Variants in APP observed in about 807,000 individuals in gnomAD.
APP encodes amyloid-beta precursor protein.
APP carries 31 observed loss-of-function variants against 101.4 expected under a neutral mutation model. The observed-to-expected ratio is 0.31, with a 90% CI of 0.23 to 0.41. The LOEUF is 0.41. Among genes scored for constraint, APP ranks in the 10% least tolerant of loss-of-function variants. The pLI is 1.00. For synonymous variants in APP, 366 were observed against 364.4 expected (o/e 1.00, Z -0.05); for missense variants, 839 against 1,003.7 (o/e 0.84, Z 2.22).
At chr21:25,908,079 C>T (rs1213256412) in intron 14 of APP, among the ~76,000 whole-genome samples, 1 of 152,220 alleles carries the variant, frequency 6.6e-6, no homozygotes, top group Non-Finnish European at 1.5e-5. Flanking sequence ...TGCTATGCTG[C>T]TCTTTGTGGC....
chr21:26,137,014 C>T (rs2062934477), intron 1 of APP, among the ~76,000 whole-genome samples: 1 of 151,378 alleles, frequency 6.6e-6, no homozygotes, highest in South Asian at 2.1e-4. Flanking sequence ...CTGCTCACTG[C>T]ACCTATGCCT....
At chr21:25,920,446 A>G (rs2039574988) in intron 13 of APP, among the ~76,000 whole-genome samples, 1 of 152,190 alleles carries the variant, frequency 6.6e-6, no homozygotes, top group Non-Finnish European at 1.5e-5. Flanking sequence ...TTGGATAAAG[A>G]GTCAAGACCC....
chr21:26,126,172 A>C (rs2146257281), intron 1 of APP, among the ~76,000 whole-genome samples: 1 of 152,370 alleles, frequency 6.6e-6, no homozygotes, highest in East Asian at 1.9e-4. Flanking sequence ...GAAGAACACA[A>C]CTGTGATCGC....
intron 17 of APP, among the ~76,000 whole-genome samples, chr21:25,885,375 C>T (rs915859902): frequency 6.6e-6 from 1 of 152,216 alleles, no homozygotes; most frequent in Non-Finnish European, 1.5e-5. Flanking sequence ...TCTGCACAGA[C>T]ACAATATTAT....
At chr21:25,904,916 C>T (rs747371368) in intron 15 of APP, 108 bp downstream of exon 15, 172 of 960,414 alleles carry the variant, frequency 1.8e-4, no homozygotes, top group Middle Eastern at 4.1e-4. Context: ...TCAAATTCTA[C>T]TCTGCAGTAA....
chr21:26,004,401 T>G (rs959248173), intron 6 of APP, among the ~76,000 whole-genome samples: 1 of 147,320 alleles, frequency 6.8e-6, no homozygotes. Context: ...CACGCCATTC[T>G]CCTGCCTCAG....
chr21:25,940,245 G>A (rs1183959313), intron 13 of APP, among the ~76,000 whole-genome samples: 1 of 152,096 alleles, frequency 6.6e-6, no homozygotes, highest in Non-Finnish European at 1.5e-5. Context: ...AGGTAATAAT[G>A]CTTATAAAAA....
At chr21:25,953,132 C>T (rs1406924583) in intron 13 of APP, among the ~76,000 whole-genome samples, 1 of 151,978 alleles carries the variant, frequency 6.6e-6, no homozygotes, top group African/African-American at 2.4e-5. Context: ...GGGGTTTCAC[C>T]ATGTTGGCCA....
In APP at chr21:25,982,457, T is replaced by C. The variant is rs747438691; in HGVS notation, c.1111A>G (p.Thr371Ala). 4 of 1,613,776 alleles carry C rather than the reference T, an allele frequency of 2.5e-6. No individual in the cohort carries two copies. The highest frequency in any genetic ancestry group is 3.3e-5 in the Admixed American group (2 of 59,998). The stretch of plus-strand genomic sequence containing the variant: ...AGATACTTGTCAACGGCATCAGGGG[T>C]ACTGGCTGCTGTTGTAGGAACTATA... Reference protein sequence around the residue: ...PVKLPTTAASTPDAVDKYLET... With the variant: ...PVKLPTTAASAPDAVDKYLET... The change falls in exon 9 of 18, where the codon ACC (threonine) becomes GCC (alanine). Residue 371 changes from threonine to alanine, a missense_variant. Thr to Ala is a moderately conservative substitution (Grantham distance 58). Coordinates refer to ENST00000346798, the MANE Select transcript of APP (RefSeq NM_000484.4).
chr21:25,884,893 A>T (rs1161499607), intron 17 of APP, among the ~76,000 whole-genome samples: 2 of 152,244 alleles, frequency 1.3e-5, no homozygotes, highest in Admixed American at 1.3e-4. Flanking sequence ...TGATAGGTTT[A>T]TCTCCTCTTC....
intron 16 of APP, 143 bp downstream of exon 16, chr21:25,897,430 T>C: frequency 1.3e-6 from 1 of 762,360 alleles, no homozygotes; most frequent in East Asian, 2.7e-5. Flanking sequence ...ATTTATTTTC[T>C]TCATGTTTTC....
At chr21:26,073,308 A>G (rs527855369) in intron 3 of APP, among the ~76,000 whole-genome samples, 117 of 152,310 alleles carry the variant, frequency 7.7e-4, no homozygotes, top group African/African-American at 2.7e-3. Context: ...AGGAAAATGG[A>G]GGACAGCAGA....
intron 13 of APP, among the ~76,000 whole-genome samples, chr21:25,931,282 A>G (rs912805047): frequency 6.6e-6 from 1 of 152,236 alleles, no homozygotes; most frequent in African/African-American, 2.4e-5. Context: ...CCTAGCAGAT[A>G]CAAGTGCATG....
chr21:26,148,382 C>T (rs1014186308), intron 1 of APP, among the ~76,000 whole-genome samples: 1 of 152,100 alleles, frequency 6.6e-6, no homozygotes, highest in Admixed American at 6.5e-5. Flanking sequence ...AGCTGTGTCC[C>T]GAACCAACAT....
Position 25,988,702 on chromosome 21 carries a change from C to CAAAAAAAAAAAAAAAAAAAAAAAA in APP, c.1091-6226_1091-6225insTTTTTTTTTTTTTTTTTTTTTTTT, listed in dbSNP as rs537417600. 1.6e-4 allele frequency among the ~76,000 whole-genome samples: 10 copies of CAAAAAAAAAAAAAAAAAAAAAAAA among 62,362 alleles called. 1 individual carries two copies. The highest frequency in any genetic ancestry group is 5.8e-4 in the African/African-American group (9 of 15,590). 40.9% of individuals were successfully genotyped at this position (62,362 alleles called of 152,430 possible). On this transcript the variant is annotated intron_variant, in intron 8 of 17. Coordinates refer to ENST00000346798, the MANE Select transcript of APP (RefSeq NM_000484.4). ...GGGTGATAACAGCGAAACTCTGTCT[C>CAAAAAAAAAAAAAAAAAAAAAAAA]AAAAAAAAAAAAAAAAAAAAAGGAG...
At chr21:25,990,085 C>T (rs1472967296) in intron 8 of APP, among the ~76,000 whole-genome samples, 1 of 148,716 alleles carries the variant, frequency 6.7e-6, no homozygotes, top group Non-Finnish European at 1.5e-5. Flanking sequence ...ATACCAGACT[C>T]TCTTAAAAAC....
chr21:26,153,493 T>C (rs900490758), intron 1 of APP, among the ~76,000 whole-genome samples: 12 of 152,086 alleles, frequency 7.9e-5, no homozygotes, highest in African/African-American at 2.9e-4. Flanking sequence ...TTAAAAAACA[T>C]AGAGATGGGA....
At chr21:25,975,629 C>A (rs1320485559) in intron 10 of APP, among the ~76,000 whole-genome samples, 1 of 152,086 alleles carries the variant, frequency 6.6e-6, no homozygotes, top group Non-Finnish European at 1.5e-5. Context: ...TGGTTTCCAT[C>A]AAAAATTCAA....
intron 1 of APP, among the ~76,000 whole-genome samples, chr21:26,167,848 G>A (rs1045530375): frequency 6.6e-6 from 1 of 152,154 alleles, no homozygotes; most frequent in Non-Finnish European, 1.5e-5. Context: ...GGTGACAAGA[G>A]AAAAGCTTCT....
Sources: gnomAD v4.1 joint callset for allele counts (sites outside exome capture counted in the v4.1 genomes callset) on GRCh38, gnomAD v4.1.1 for gene constraint, MANE v1.5 for transcripts, NCBI Gene and HGNC (gene_info 2026-07-23, HGNC 2026-07-21) for gene names.